UPF2: variants seen among roughly 807,000 people sequenced by gnomAD.
UPF2 encodes the protein UPF2 regulator of nonsense mediated mRNA decay, also known as regulator of nonsense transcripts 2.
Under a neutral mutation model 141.4 loss-of-function variants are expected in UPF2, and 17 were observed. The observed-to-expected ratio is 0.12, with a 90% CI of 0.08 to 0.18. UPF2 has a LOEUF of 0.18. UPF2 is among the 10% of genes least tolerant of loss of function. The pLI is 1.00. For synonymous variants in UPF2, 540 were observed against 498.0 expected, an observed-to-expected ratio of 1.08 and a Z score of -1.12; for missense variants, 1,152 against 1,515.9, an observed-to-expected ratio of 0.76 and a Z score of 3.99.
chr10:12,011,424 C>T (rs1242065405), intron 4 of UPF2, among the ~76,000 whole-genome samples: 2 of 151,624 alleles, frequency 1.3e-5, no homozygotes, highest in African/African-American at 2.4e-5. Context: ...ATGGTGAAAC[C>T]CCATCTCTAC....
Position 11,920,799 on chromosome 10 carries a change from G to A in UPF2, c.*499C>T, listed in dbSNP as rs960665707. 2 of 289,190 alleles carry A rather than the reference G, an allele frequency of 6.9e-6. No homozygotes were observed. The allele number at this position is 289,190 out of a possible 1,614,324, so 17.9% of individuals were successfully genotyped here. A position where few individuals can be genotyped will look rare whatever the true frequency, so the allele number is the denominator to read the frequency against. ...GTCCTGCATGTAAGTTTTACTAGAA[G>A]ATTTTCCTGCTTGCTCTATACTTTT... On this transcript the variant is annotated 3_prime_UTR_variant, in exon 22 of 22. Coordinates refer to ENST00000357604, the MANE Select transcript of UPF2 (RefSeq NM_015542.4).
intron 8 of UPF2, among the ~76,000 whole-genome samples, chr10:11,994,913 T>C (rs1833840149): frequency 7.2e-6 from 1 of 139,478 alleles, no homozygotes; most frequent in Non-Finnish European, 1.5e-5. Context: ...GAGGCAGAGC[T>C]TGCAGTGAGC....
chr10:11,925,712 GCAGGAGTTCTCCAGGGGAA>G (rs1268262179), intron 21 of UPF2, among the ~76,000 whole-genome samples: 1 of 152,248 alleles, frequency 6.6e-6, no homozygotes, highest in Non-Finnish European at 1.5e-5. Context: ...ACCCGAAGGA[GCAGGAGTTCTCCAGGGGAA>G]CAGCTGGAGA....
chr10:12,027,539 A>G (rs1476442632), intron 3 of UPF2, among the ~76,000 whole-genome samples: 8 of 152,226 alleles, frequency 5.3e-5, no homozygotes. Flanking sequence ...TTTTTAGTCC[A>G]TTACTGATGG....
At chr10:11,988,118 A>G (rs1833724004) in intron 8 of UPF2, among the ~76,000 whole-genome samples, 1 of 152,212 alleles carries the variant, frequency 6.6e-6, no homozygotes, top group African/African-American at 2.4e-5. Context: ...TACTTCTCCA[A>G]AGAAGATATG....
At position 11,998,005 on chromosome 10, in the gene UPF2, G is replaced by C. The variant is rs1833891209; in HGVS notation, c.1759-248C>G. 6.6e-6 allele frequency among the ~76,000 whole-genome samples: 1 copy of C among 152,154 alleles called. No individual in the cohort carries two copies. The highest frequency in any genetic ancestry group is 2.1e-4 in the South Asian group (1 of 4,834). On this transcript the variant is annotated intron_variant, in intron 7 of 21. Coordinates refer to ENST00000357604, the MANE Select transcript of UPF2 (RefSeq NM_015542.4). The surrounding 1 kb of genome is among the most constrained non-coding windows in gnomAD (Gnocchi z 4.5). Reference sequence around the variant, plus strand: ...AGCAGTAAAGGGGAATGAGCAAAGAGAAAGAGACAGGCACAAATTATACCC... The same window carrying C: ...AGCAGTAAAGGGGAATGAGCAAAGACAAAGAGACAGGCACAAATTATACCC...
At chr10:12,002,401 G>C (rs1833968720) in intron 5 of UPF2, among the ~76,000 whole-genome samples, 1 of 152,144 alleles carries the variant, frequency 6.6e-6, no homozygotes, top group Admixed American at 6.6e-5. Context: ...GGACTTACAT[G>C]GCGTGAGGAT....
intron 18 of UPF2, among the ~76,000 whole-genome samples, chr10:11,938,018 C>T (rs144006768): frequency 5.3e-5 from 8 of 152,228 alleles, no homozygotes; most frequent in Admixed American, 2.6e-4. Context: ...ACTCCTCCAG[C>T]GACTTCCCAC....
chr10:11,961,499 A>T lies in UPF2; in HGVS notation c.2185-2143T>A, dbSNP rs531470605. On this transcript the variant is annotated intron_variant, in intron 11 of 21. Transcript: ENST00000357604. ...CAGTGTGTTCCTAGTAGGGAGCAGCAGAAGAGGGAAGAGGAGGGAGGGGCC... is the reference window on the plus strand; with the variant it reads ...CAGTGTGTTCCTAGTAGGGAGCAGCTGAAGAGGGAAGAGGAGGGAGGGGCC... Among the ~76,000 whole-genome samples the T allele has an allele frequency of 4.6e-5, 7 of 152,084 alleles. No homozygotes were observed. In the East Asian group the frequency reaches 1.4e-3, roughly 30 times the overall value.
At chr10:11,924,303 C>T (rs769836407) in intron 21 of UPF2, among the ~76,000 whole-genome samples, 2 of 152,164 alleles carry the variant, frequency 1.3e-5, no homozygotes, top group African/African-American at 2.4e-5. Context: ...TTATGCCGGG[C>T]GTGGTGGCTG....
intron 3 of UPF2, among the ~76,000 whole-genome samples, chr10:12,018,392 C>T (rs1050239870): frequency 6.6e-6 from 1 of 152,028 alleles, no homozygotes; most frequent in African/African-American, 2.4e-5. Context: ...ATCACCCTGA[C>T]CAACACGGTG....
At chr10:11,949,850 G>A (rs1158200259) in intron 15 of UPF2, among the ~76,000 whole-genome samples, 2 of 152,042 alleles carry the variant, frequency 1.3e-5, no homozygotes, top group African/African-American at 2.4e-5. Flanking sequence ...GAAAATCACA[G>A]GTACACTAAA....
intron 1 of UPF2, among the ~76,000 whole-genome samples, chr10:12,041,641 C>T (rs1211002266): frequency 6.6e-6 from 1 of 152,168 alleles, no homozygotes; most frequent in Admixed American, 6.6e-5. Context: ...TGCGGTTTTA[C>T]CTTTCAATTC....
intron 21 of UPF2, among the ~76,000 whole-genome samples, chr10:11,926,378 A>C (rs1487756413): frequency 6.6e-6 from 1 of 152,160 alleles, no homozygotes; most frequent in Non-Finnish European, 1.5e-5. Flanking sequence ...GGAGACCTGG[A>C]TGGAAGTCAG....
intron 9 of UPF2, among the ~76,000 whole-genome samples, chr10:11,969,537 T>C (rs534913533): frequency 6.6e-6 from 1 of 152,246 alleles, no homozygotes; most frequent in East Asian, 1.9e-4. Context: ...AAATATAAAA[T>C]AGAATGTCTC....
intron 21 of UPF2, among the ~76,000 whole-genome samples, chr10:11,928,016 G>A (rs557689120): frequency 1.3e-5 from 2 of 152,184 alleles, no homozygotes; most frequent in South Asian, 2.1e-4. Context: ...GTAGAGCCTC[G>A]GTTTAAACAC....
chr10:12,022,017 G>T (rs1834326412), intron 3 of UPF2, among the ~76,000 whole-genome samples: 1 of 152,098 alleles, frequency 6.6e-6, no homozygotes, highest in Non-Finnish European at 1.5e-5. Flanking sequence ...GCAGGTGCAT[G>T]TAGTCCCAGC....
rs754121348 is a variant in UPF2, at chr10:11,952,206, T to C, written c.2894A>G (p.Asp965Gly). 1 of 1,612,898 alleles carries C rather than the reference T, an allele frequency of 6.2e-7. No individual in the cohort carries two copies. The change falls in exon 15 of 22, where the codon GAC becomes GGC. Residue 965 changes from aspartate (D) to glycine (G), a missense_variant. Asp to Gly is a moderately conservative substitution (Grantham distance 94, BLOSUM62 -1). Coordinates refer to ENST00000357604, the MANE Select transcript of UPF2 (RefSeq NM_015542.4). ...ATCTATATCAATAGGAAATGGATGG[T>C]CTTTTGTCCAAACCTCCAAACTTTT... Reference protein sequence around the residue: ...WKKSLEVWTKDHPFPIDIDYM... With the variant: ...WKKSLEVWTKGHPFPIDIDYM...
At chr10:11,968,586 A>G (rs1185937211) in intron 9 of UPF2, among the ~76,000 whole-genome samples, 1 of 148,570 alleles carries the variant, frequency 6.7e-6, no homozygotes, top group East Asian at 2.0e-4. Flanking sequence ...GGAAAGAGCC[A>G]ATATAATCAC....
Sources: allele counts gnomAD v4.1 joint callset (sites outside exome capture counted in the v4.1 genomes callset), GRCh38; gene constraint gnomAD v4.1.1; non-coding constraint Gnocchi (gnomAD v3.1); transcripts MANE v1.5; gene names NCBI Gene and HGNC (gene_info 2026-07-23, HGNC 2026-07-21).